PITPNC1: variants seen among roughly 807,000 people sequenced by gnomAD.
PITPNC1 encodes the protein cytoplasmic phosphatidylinositol transfer protein 1.
A neutral mutation model predicts 44.7 loss-of-function variants in PITPNC1; 18 were observed. The observed-to-expected ratio is 0.40, with a 90% confidence interval of 0.28 to 0.60. The LOEUF (loss-of-function observed/expected upper bound fraction) is 0.60. Among genes scored for constraint, PITPNC1 ranks in the 20% least tolerant of loss-of-function variants. PITPNC1 has a pLI of 0.39. For missense variants in PITPNC1, 290 were observed against 418.4 expected, an observed-to-expected ratio of 0.69 and a Z score of 2.68; for synonymous variants, 141 against 149.6, an observed-to-expected ratio of 0.94 and a Z score of 0.42.
chr17:67,548,890 TA>T (rs2040720005), intron 2 of PITPNC1, among the ~76,000 whole-genome samples: 1 of 152,144 alleles, frequency 6.6e-6, no homozygotes, highest in South Asian at 2.1e-4. Context: ...TGTGTGACAG[TA>T]TACATCATGA....
At chr17:67,388,012 C>T (rs2038080366) in intron 1 of PITPNC1, among the ~76,000 whole-genome samples, 1 of 152,166 alleles carries the variant, frequency 6.6e-6, no homozygotes, top group Non-Finnish European at 1.5e-5. Flanking sequence ...GGTGCTTAAA[C>T]TTAGGGTCCA....
intron 5 of PITPNC1, among the ~76,000 whole-genome samples, chr17:67,586,498 G>A (rs1341032918): frequency 1.3e-5 from 2 of 151,934 alleles, no homozygotes; most frequent in East Asian, 3.9e-4. Flanking sequence ...AGGAGGCTGA[G>A]GCAGAAGAAT....
intron 8 of PITPNC1, among the ~76,000 whole-genome samples, chr17:67,688,228 C>T (rs999956002): frequency 2.0e-4 from 30 of 150,604 alleles, no homozygotes; most frequent in Admixed American, 1.8e-3. Flanking sequence ...ATCCTAGCTA[C>T]TCAGGAGGCT....
At chr17:67,632,088 T>G in intron 5 of PITPNC1, 55 bp from the exon 6 acceptor site, 1 of 1,113,692 alleles carries the variant, frequency 9.0e-7, no homozygotes, top group Non-Finnish European at 1.4e-6. Flanking sequence ...CTCGGGCACT[T>G]TGGAGGGTAA....
intron 8 of PITPNC1, chr17:67,687,150 CT>C: frequency 1.9e-6 from 3 of 1,603,198 alleles, no homozygotes; most frequent in Non-Finnish European, 2.6e-6. Context: ...CATTCCTCCC[CT>C]GTGGATGACA....
chr17:67,655,566 A>C (rs2042255898), intron 6 of PITPNC1, among the ~76,000 whole-genome samples: 1 of 139,170 alleles, frequency 7.2e-6, no homozygotes, highest in Non-Finnish European at 1.5e-5. Flanking sequence ...CTCAAAAAAA[A>C]AAAAAAAAAA....
chr17:67,613,590 T>A (rs1308114685), intron 5 of PITPNC1: 3 of 152,088 alleles, frequency 2.0e-5, no homozygotes, highest in African/African-American at 7.2e-5. Flanking sequence ...GAGGCCAAAG[T>A]GGGCAGATTA....
intron 5 of PITPNC1, 96 bp downstream of exon 5, chr17:67,578,353 A>G: frequency 2.4e-6 from 2 of 825,850 alleles, no homozygotes; most frequent in South Asian, 2.8e-5. Context: ...CAGCAGTGGG[A>G]CCTGTGCCTG....
At chr17:67,653,857 C>T (rs548632386) in intron 6 of PITPNC1, among the ~76,000 whole-genome samples, 1 of 152,344 alleles carries the variant, frequency 6.6e-6, no homozygotes, top group East Asian at 1.9e-4. Context: ...CAGCGTATGC[C>T]TCTGTATGCC....
chr17:67,673,543 T>C (rs1370457133), intron 7 of PITPNC1, among the ~76,000 whole-genome samples: 1 of 152,224 alleles, frequency 6.6e-6, no homozygotes, highest in Non-Finnish European at 1.5e-5. Context: ...AGTTCAGGTC[T>C]CTTTTTTCAT....
chr17:67,425,491 T>C (rs2038750956), intron 1 of PITPNC1, among the ~76,000 whole-genome samples: 1 of 132,020 alleles, frequency 7.6e-6, no homozygotes, highest in Admixed American at 7.8e-5. Flanking sequence ...CCCTCCTTCC[T>C]TCCTTCTCTC....
intron 1 of PITPNC1, among the ~76,000 whole-genome samples, chr17:67,512,513 A>C (rs916876302): frequency 8.9e-4 from 127 of 142,842 alleles, no homozygotes; most frequent in African/African-American, 2.8e-3. Flanking sequence ...AAAAAAAAAA[A>C]AAAAAAAAAA....
chr17:67,498,961 T>C (rs897991852), intron 1 of PITPNC1, among the ~76,000 whole-genome samples: 5 of 151,502 alleles, frequency 3.3e-5, no homozygotes, highest in Non-Finnish European at 7.4e-5. Context: ...AACCTCTGCC[T>C]CCCAGGTTCA....
At chr17:67,506,323 A>G (rs565653364) in intron 1 of PITPNC1, among the ~76,000 whole-genome samples, 1 of 152,272 alleles carries the variant, frequency 6.6e-6, no homozygotes, top group African/African-American at 2.4e-5. Context: ...TGAATATACA[A>G]TCTCCCTTTA....
intron 1 of PITPNC1, among the ~76,000 whole-genome samples, chr17:67,438,114 A>G (rs1228019427): frequency 1.3e-5 from 2 of 152,002 alleles, no homozygotes; most frequent in African/African-American, 4.8e-5. Flanking sequence ...AAAAAAGAAA[A>G]ACAAAGATCC....
At chr17:67,467,968 T>A (rs1040728854) in intron 1 of PITPNC1, among the ~76,000 whole-genome samples, 1 of 152,190 alleles carries the variant, frequency 6.6e-6, no homozygotes, top group African/African-American at 2.4e-5. Context: ...CCTCTCGGCT[T>A]GGTGCTGGGG....
At chr17:67,496,499 G>A (rs754949443) in intron 1 of PITPNC1, among the ~76,000 whole-genome samples, 3 of 152,092 alleles carry the variant, frequency 2.0e-5, no homozygotes, top group Non-Finnish European at 4.4e-5. Flanking sequence ...CACCGGTGAC[G>A]ACAATGACCC....
intron 1 of PITPNC1, among the ~76,000 whole-genome samples, chr17:67,497,084 C>G (rs555698629): frequency 6.6e-6 from 1 of 152,106 alleles, no homozygotes; most frequent in Non-Finnish European, 1.5e-5. Flanking sequence ...TATGACTGTT[C>G]CGGTGAATAG....
chr17:67,509,485 C>T (rs976571236), intron 1 of PITPNC1, among the ~76,000 whole-genome samples: 11 of 151,480 alleles, frequency 7.3e-5, no homozygotes, highest in South Asian at 2.1e-4. Context: ...TGCAGTGAGC[C>T]GAGATTGCAC....
Sources: allele counts gnomAD v4.1 joint callset (sites outside exome capture counted in the v4.1 genomes callset), GRCh38; gene constraint gnomAD v4.1.1; transcripts MANE v1.5; gene names NCBI Gene and HGNC (gene_info 2026-07-23, HGNC 2026-07-21).